LRP2: variants seen among roughly 807,000 people sequenced by gnomAD.
The protein encoded by LRP2 is low-density lipoprotein receptor-related protein 2.
A neutral mutation model predicts 531.0 loss-of-function variants in LRP2; 172 were observed. That is an observed-to-expected ratio of 0.32 (90% CI 0.29 to 0.37). The LOEUF (loss-of-function observed/expected upper bound fraction) is 0.37, where lower values mean the gene tolerates loss of function less well. LRP2 is among the 10% of genes least tolerant of loss of function. LRP2 has a pLI of 1.00. For synonymous variants in LRP2, 1,992 were observed against 2,027.6 expected (o/e 0.98, Z 0.47); for missense variants, 5,167 against 5,868.3 (o/e 0.88, Z 3.90).
chr2:169,243,578 G>C (rs766923155), intron 22 of LRP2, 56 bp from the exon 23 acceptor site: 9 of 1,610,522 alleles, frequency 5.6e-6, no homozygotes, highest in Non-Finnish European at 7.6e-6. Context: ...ACAAGTACCA[G>C]AGCCAAACTA....
At chr2:169,181,397 T>G in intron 52 of LRP2, 51 bp downstream of exon 52, 1 of 1,560,610 alleles carries the variant, frequency 6.4e-7, no homozygotes, top group Non-Finnish European at 8.8e-7. Context: ...CAAGCTCTGA[T>G]GTTTGAAATA....
rs1388140755 is a variant in LRP2, at chr2:169,146,063, C to T, written c.12812-140G>A. 3 of 796,660 alleles carry T rather than the reference C, an allele frequency of 3.8e-6. No individual in the cohort carries two copies. In the African/African-American group the frequency reaches 5.2e-5, roughly 14 times the overall value. 49.3% of individuals were successfully genotyped at this position (796,660 alleles called of 1,614,324 possible). On this transcript the variant is annotated intron_variant, in intron 69 of 78. Coordinates refer to ENST00000649046, the MANE Select transcript of LRP2 (RefSeq NM_004525.3). ...AATGCCTTGAAGCTCTGGGAATATT[C>T]AGGCTGACTTTAGCTACATGGGACT...
Position 169,185,881 on chromosome 2 carries a change from C to A in LRP2, c.9467G>T (p.Cys3156Phe). Residue 3156 changes from cysteine to phenylalanine, a missense_variant, in exon 50 of 79, where the codon TGC becomes TTC. Around this residue, in one of 6 missense-constraint regions of LRP2, gnomAD observed 1,129 missense variants for 1,362.7 expected, o/e 0.83. Coordinates refer to ENST00000649046, the MANE Select transcript of LRP2 (RefSeq NM_004525.3). ...DKRTCVDIDE[C>F]TEMPFVCSQK... ...GCTACAGACAAAAGGCATCTCTGTG[C>A]ATTCATCAATATCAACACAAGTCCG... The A allele has an allele frequency of 6.2e-7, 1 of 1,613,956 alleles. No individual in the cohort carries two copies. The highest frequency in any genetic ancestry group is 8.5e-7 in the Non-Finnish European group (1 of 1,179,980).
In LRP2 at chr2:169,128,466, A is replaced by T. The variant is rs778620719; in HGVS notation, c.*197T>A. 44 of 567,742 alleles carry T rather than the reference A, an allele frequency of 7.7e-5. No homozygotes were observed. The highest frequency in any genetic ancestry group is 1.2e-4 in the Non-Finnish European group (39 of 319,968). 35.2% of individuals were successfully genotyped at this position (567,742 alleles called of 1,614,324 possible). ...AACTTCAGTGCAAAGATATACATATAGTACATTGTGATAATTATTTGTAAA... is the reference window on the plus strand; with the variant it reads ...AACTTCAGTGCAAAGATATACATATTGTACATTGTGATAATTATTTGTAAA... On this transcript the variant is annotated 3_prime_UTR_variant, in exon 79 of 79. Transcript: ENST00000649046.
In LRP2 at chr2:169,198,985, C is replaced by T. The variant is rs1688097716; in HGVS notation, c.8453-74G>A. 3 of 1,510,072 alleles carry T rather than the reference C, an allele frequency of 2.0e-6. No homozygotes were observed. In the South Asian group the frequency reaches 3.5e-5, roughly 17 times the overall value. 93.5% of individuals were successfully genotyped at this position (1,510,072 alleles called of 1,614,324 possible). On this transcript the variant is annotated intron_variant, in intron 44 of 78. Transcript: ENST00000649046. Reference sequence around the variant, plus strand: ...GTATTATGAACAGTATCCGTGCTAACACATCTATTGTGGAACTCAAACCAC... The same window carrying T: ...GTATTATGAACAGTATCCGTGCTAATACATCTATTGTGGAACTCAAACCAC...
intron 16 of LRP2, among the ~76,000 whole-genome samples, chr2:169,264,579 A>G (rs947945744): frequency 6.6e-6 from 1 of 152,100 alleles, no homozygotes; most frequent in African/African-American, 2.4e-5. Flanking sequence ...CAGTAAAATA[A>G]CAGCAGATGA....
At chr2:169,294,061 G>C (rs1024156454) in intron 6 of LRP2, 87 bp downstream of exon 6, 4 of 880,374 alleles carry the variant, frequency 4.5e-6, no homozygotes, top group Non-Finnish European at 7.8e-6. Context: ...GTACATTGGT[G>C]GGGGAGCGGG....
Position 169,170,673 on chromosome 2 carries a change from A to G in LRP2, c.11264-6T>C. The G allele has an allele frequency of 6.3e-7, 1 of 1,596,830 alleles. No homozygotes were observed. Among genetic ancestry groups the G allele is most frequent in the Non-Finnish European group, 8.6e-7 (1 of 1,164,202 alleles). On this transcript the variant is annotated splice_polypyrimidine_tract_variant and splice_region_variant and intron_variant, in intron 58 of 78. Coordinates refer to ENST00000649046, the MANE Select transcript of LRP2 (RefSeq NM_004525.3). ...CTCTGTGCACTCCCGGGGAGCTGGA[A>G]AGGAAAGGCACCTGGCCATGAGTGT... is the stretch of plus-strand genomic sequence containing the variant.
rs1445821511 is a variant in LRP2 at position 169,235,745 on chromosome 2, CA to C, written c.4920+94del. 6 of 954,026 alleles carry C rather than the reference CA, an allele frequency of 6.3e-6. No individual in the cohort carries two copies. In the East Asian group the frequency reaches 1.5e-4, roughly 24 times the overall value. 59.1% of individuals were successfully genotyped at this position (954,026 alleles called of 1,614,324 possible). On this transcript the variant is annotated intron_variant, in intron 29 of 78. Transcript: ENST00000649046. The stretch of plus-strand genomic sequence containing the variant: ...TGGATTGATCTGACAATGTCTATGA[CA>C]CAAAAATTAATTTCTTAGCTTTTCT...
At chr2:169,274,933 A>G in intron 14 of LRP2, 103 bp downstream of exon 14, 1 of 1,143,134 alleles carries the variant, frequency 8.7e-7, no homozygotes. Flanking sequence ...TGAGAATGCC[A>G]CCCAAATCAC....
At chr2:169,155,725 C>G (rs902680847) in intron 65 of LRP2, among the ~76,000 whole-genome samples, 1 of 152,244 alleles carries the variant, frequency 6.6e-6, no homozygotes, top group Admixed American at 6.5e-5. Flanking sequence ...CAACCTAAAA[C>G]GTAAAACTCA....
intron 70 of LRP2, among the ~76,000 whole-genome samples, chr2:169,145,527 T>C (rs1403824540): frequency 6.6e-6 from 1 of 152,254 alleles, no homozygotes; most frequent in Non-Finnish European, 1.5e-5. Flanking sequence ...TACCTGCTGA[T>C]GGTTTGCATA....
rs751395950 is a variant in LRP2 at position 169,212,081 on chromosome 2, C to T, written c.6167G>A (p.Arg2056Gln). ...GAAAGAGTTATATGGAGAGCAGGAC[C>T]GATTATCAGGATTGAGTTTAAATCC... ...ATGFKLNPDN[R>Q]SCSPYNSFIV... is the part of the protein sequence containing the mutation. Residue 2056 changes from arginine to glutamine, a missense_variant, in exon 37 of 79, where the codon CGG becomes CAG. By Grantham distance (43) the Arg-to-Gln change is conservative. Transcript: ENST00000649046. The T allele has an allele frequency of 2.2e-5, 36 of 1,613,918 alleles. No homozygotes were observed. The East Asian group carries it at 7.1e-4, about 32-fold the overall frequency.
chr2:169,270,195 T>C (rs1683365464), intron 16 of LRP2, among the ~76,000 whole-genome samples: 1 of 152,178 alleles, frequency 6.6e-6, no homozygotes, highest in Admixed American at 6.5e-5. Context: ...GAAGACAGTG[T>C]GGAGATTCCT....
intron 16 of LRP2, among the ~76,000 whole-genome samples, chr2:169,268,437 G>A (rs1319165496): frequency 6.6e-6 from 1 of 152,194 alleles, no homozygotes; most frequent in East Asian, 1.9e-4. Flanking sequence ...TCCCTGTGAT[G>A]CAATGCTGGT....
intron 3 of LRP2, among the ~76,000 whole-genome samples, chr2:169,309,375 T>C (rs1156348996): frequency 6.6e-6 from 1 of 152,262 alleles, no homozygotes; most frequent in Non-Finnish European, 1.5e-5. Flanking sequence ...TTTAAGTCTT[T>C]AATCCATCTT....
intron 12 of LRP2, among the ~76,000 whole-genome samples, chr2:169,278,389 T>C (rs953043909): frequency 1.3e-5 from 2 of 151,924 alleles, no homozygotes; most frequent in Admixed American, 6.6e-5. Flanking sequence ...GAAGCTGAGG[T>C]GGGAGGATTG....
chr2:169,234,715 G>A (rs1689538935), intron 29 of LRP2, among the ~76,000 whole-genome samples: 1 of 152,044 alleles, frequency 6.6e-6, no homozygotes, highest in South Asian at 2.1e-4. Flanking sequence ...CTTCCACAAT[G>A]GTTGAACTAA....
At chr2:169,182,688 G>A in intron 50 of LRP2, 2 of 959,888 alleles carry the variant, frequency 2.1e-6, no homozygotes, top group Non-Finnish European at 2.5e-6. Flanking sequence ...AGTTTAAATG[G>A]TGGAGTCAAG....
Sources: gnomAD v4.1 joint callset for allele counts (sites outside exome capture counted in the v4.1 genomes callset) on GRCh38, gnomAD v4.1.1 for gene constraint, gnomAD v4.1.1 regional missense constraint, MANE v1.5 for transcripts, NCBI Gene and HGNC (gene_info 2026-07-23, HGNC 2026-07-21) for gene names.